Variants in NRG3 observed in about 807,000 individuals in gnomAD.
NRG3 encodes pro-neuregulin-3, membrane-bound isoform.
Under a neutral mutation model 66.9 loss-of-function variants are expected in NRG3, and 31 were observed. The observed-to-expected ratio is 0.46, with a 90% CI of 0.35 to 0.63. The LOEUF is 0.63. NRG3 is among the 20% of genes least tolerant of loss of function. The pLI, the probability that NRG3 is intolerant of heterozygous loss-of-function variation, is 0.00. For synonymous variants in NRG3, 393 were observed against 359.4 expected, an observed-to-expected ratio of 1.09 and a Z score of -1.06; for missense variants, 910 against 878.9, an observed-to-expected ratio of 1.04 and a Z score of -0.45.
intron 1 of NRG3, among the ~76,000 whole-genome samples, chr10:82,026,289 A>G (rs958578844): frequency 6.6e-6 from 1 of 151,956 alleles, no homozygotes; most frequent in Non-Finnish European, 1.5e-5. Flanking sequence ...CAGAACCATT[A>G]TAAGAAAGGG....
intron 1 of NRG3, among the ~76,000 whole-genome samples, chr10:82,245,322 GTAAT>G (rs2077188587): frequency 6.6e-6 from 1 of 152,126 alleles, no homozygotes; most frequent in African/African-American, 2.4e-5. Flanking sequence ...AGCTCAGGTG[GTAAT>G]GCAAGCAATG....
At chr10:82,030,875 CTTGAAGGAA>C (rs1485495887) in intron 1 of NRG3, among the ~76,000 whole-genome samples, 2 of 151,944 alleles carry the variant, frequency 1.3e-5, no homozygotes, top group East Asian at 3.9e-4. Context: ...ATGGGGAGTT[CTTGAAGGAA>C]TTGAAGCAAG....
At chr10:82,816,845 C>T (rs760504899) in intron 3 of NRG3, among the ~76,000 whole-genome samples, 1 of 152,194 alleles carries the variant, frequency 6.6e-6, no homozygotes, top group Non-Finnish European at 1.5e-5. Context: ...CTGGCATCCC[C>T]GCACCCAGCT....
chr10:82,545,925 C>T (rs940383508), intron 2 of NRG3, among the ~76,000 whole-genome samples: 5 of 150,928 alleles, frequency 3.3e-5, no homozygotes, highest in Non-Finnish European at 5.9e-5. Flanking sequence ...GTAGCTGGGA[C>T]GACAGGCGCC....
intron 1 of NRG3, chr10:82,224,365 A>G (rs193164662): frequency 2.0e-5 from 3 of 152,304 alleles, no homozygotes; most frequent in African/African-American, 7.2e-5. Context: ...AGCATCTAGA[A>G]CATAAAAAGT....
chr10:81,922,295 A>G (rs1269942103), intron 1 of NRG3, among the ~76,000 whole-genome samples: 1 of 152,138 alleles, frequency 6.6e-6, no homozygotes, highest in Non-Finnish European at 1.5e-5. Flanking sequence ...TTTGAATAAC[A>G]CAAGTGCAGT....
chr10:82,666,968 A>G (rs1346075500), intron 2 of NRG3, among the ~76,000 whole-genome samples: 1 of 152,226 alleles, frequency 6.6e-6, no homozygotes, highest in Non-Finnish European at 1.5e-5. Flanking sequence ...TTAATGCAAC[A>G]GTGATTCTAC....
intron 1 of NRG3, among the ~76,000 whole-genome samples, chr10:82,022,247 A>G (rs1249974811): frequency 6.6e-6 from 1 of 152,070 alleles, no homozygotes; most frequent in Non-Finnish European, 1.5e-5. Flanking sequence ...TGAAACTATC[A>G]CTAAATTGAG....
intron 4 of NRG3, among the ~76,000 whole-genome samples, chr10:82,889,518 G>A (rs554508379): frequency 2.8e-4 from 43 of 152,330 alleles, no homozygotes; most frequent in African/African-American, 5.3e-4. Flanking sequence ...GAATACTAAA[G>A]TAGGCGGTAA....
At chr10:82,835,178 G>A (rs2062713011) in intron 3 of NRG3, among the ~76,000 whole-genome samples, 2 of 152,210 alleles carry the variant, frequency 1.3e-5, no homozygotes, top group South Asian at 4.2e-4. Context: ...GCAAAGTATG[G>A]TCCTGATAAA....
Position 82,642,640 on chromosome 10 carries a change from A to G in NRG3, c.954-95937A>G, listed in dbSNP as rs147387031. 6.7e-3 allele frequency among the ~76,000 whole-genome samples: 1,024 copies of G among 152,086 alleles called. 4 individuals carry two copies. The highest frequency in any genetic ancestry group is 0.011 in the Non-Finnish European group (738 of 67,946). On this transcript the variant is annotated intron_variant, in intron 2 of 8. Coordinates refer to ENST00000372141, the MANE Select transcript of NRG3 (RefSeq NM_001010848.4). ...AAAAAAACCCTGGTTCTTCCAATAT[A>G]CATACATACTGAAGAGAAAGAGATA...
intron 2 of NRG3, among the ~76,000 whole-genome samples, chr10:82,683,357 C>T (rs953440529): frequency 8.6e-5 from 13 of 151,936 alleles, no homozygotes; most frequent in African/African-American, 3.1e-4. Flanking sequence ...TCCTCTCTCC[C>T]CTTGATCACA....
intron 2 of NRG3, among the ~76,000 whole-genome samples, chr10:82,423,762 T>C (rs2136256641): frequency 6.6e-6 from 1 of 152,106 alleles, no homozygotes; most frequent in Non-Finnish European, 1.5e-5. Context: ...TTTAGCATAT[T>C]TTCATCACTC....
intron 1 of NRG3, among the ~76,000 whole-genome samples, chr10:81,935,308 A>T (rs1363399911): frequency 6.6e-6 from 1 of 152,180 alleles, no homozygotes; most frequent in Admixed American, 6.5e-5. Flanking sequence ...TTGGGGAAAA[A>T]ATAACTCAAT....
intron 1 of NRG3, among the ~76,000 whole-genome samples, chr10:82,058,801 A>G (rs1290135792): frequency 1.3e-5 from 2 of 152,120 alleles, no homozygotes; most frequent in African/African-American, 4.8e-5. Flanking sequence ...CACTACAGAC[A>G]ACTGAAGAGG....
chr10:82,061,842 T>TTCTCTCTCTTTCTC (rs2064159604), intron 1 of NRG3, among the ~76,000 whole-genome samples: 5 of 146,824 alleles, frequency 3.4e-5, no homozygotes, highest in African/African-American at 1.3e-4. Flanking sequence ...CAGTGTCCCT[T>TTCTCTCTCTTTCTC]TCTCTCTCTC....
intron 1 of NRG3, among the ~76,000 whole-genome samples, chr10:82,048,445 T>A (rs2063420190): frequency 2.6e-5 from 4 of 151,982 alleles, no homozygotes; most frequent in African/African-American, 9.7e-5. Context: ...ATTAAGAGAC[T>A]CACTCAAAAC....
chr10:82,411,695 C>A (rs1757932745), intron 2 of NRG3, among the ~76,000 whole-genome samples: 1 of 152,048 alleles, frequency 6.6e-6, no homozygotes, highest in African/African-American at 2.4e-5. Flanking sequence ...GAGAATGAGT[C>A]CTTCACTAAA....
chr10:82,037,077 T>A (rs1419352908), intron 1 of NRG3, among the ~76,000 whole-genome samples: 2 of 152,146 alleles, frequency 1.3e-5, no homozygotes, highest in African/African-American at 4.8e-5. Context: ...AAGATGACAG[T>A]GCCCCTCTGA....
Sources: gnomAD v4.1 joint callset for allele counts (sites outside exome capture counted in the v4.1 genomes callset) on GRCh38, gnomAD v4.1.1 for gene constraint, MANE v1.5 for transcripts, NCBI Gene and HGNC (gene_info 2026-07-23, HGNC 2026-07-21) for gene names.